The following XYLB variants were observed in gnomAD, a reference collection of about 807,000 sequenced individuals.
XYLB encodes the protein xylulose kinase.
Under a neutral mutation model 78.7 loss-of-function variants are expected in XYLB, and 62 were observed. That is an observed-to-expected ratio of 0.79 (90% confidence interval 0.64 to 0.97). The LOEUF (loss-of-function observed/expected upper bound fraction) is 0.97. Ranked by LOEUF, XYLB falls within the 50% of genes least tolerant of loss-of-function variation. The pLI is 0.00. For synonymous variants in XYLB, 245 were observed against 247.4 expected, an observed-to-expected ratio of 0.99 and a Z score of 0.09; for missense variants, 687 against 676.8, an observed-to-expected ratio of 1.02 and a Z score of -0.17.
chr3:38,402,845 A>C (rs927071884), intron 18 of XYLB, among the ~76,000 whole-genome samples: 2 of 152,246 alleles, frequency 1.3e-5, no homozygotes, highest in African/African-American at 4.8e-5. Context: ...GGACAATGGG[A>C]ACATAATGTG....
downstream of XYLB, among the ~76,000 whole-genome samples, chr3:38,419,124 A>G (rs946739368): frequency 6.6e-6 from 1 of 152,236 alleles, no homozygotes; most frequent in Non-Finnish European, 1.5e-5. Flanking sequence ...GGTTTTTCAT[A>G]TAAGTGGTAT....
chr3:38,379,770 G>C (rs575142979), intron 15 of XYLB, among the ~76,000 whole-genome samples: 1 of 152,334 alleles, frequency 6.6e-6, no homozygotes, highest in Admixed American at 6.5e-5. Context: ...GGGTCTTTCA[G>C]CTTGGACAGG....
At chr3:38,446,966 A>G in the XYLB span, among the ~76,000 whole-genome samples, 1 of 152,204 alleles carries the variant, frequency 6.6e-6, no homozygotes, top group Non-Finnish European at 1.5e-5. Context: ...AGAAACAATC[A>G]ACAGAGTAAA....
intron 14 of XYLB, among the ~76,000 whole-genome samples, chr3:38,377,516 C>T (rs184758009): frequency 3.2e-4 from 48 of 150,522 alleles, no homozygotes; most frequent in African/African-American, 1.1e-3. Flanking sequence ...GGGACGATCT[C>T]GGCTCACTGC....
chr3:38,399,462 G>GA (rs34326656), intron 17 of XYLB, among the ~76,000 whole-genome samples: 64,442 of 151,896 alleles, frequency 0.42, 15,927 homozygotes, highest in Non-Finnish European at 0.57. Context: ...TTTTAAGAGA[G>GA]AATTCAATAG....
intron 2 of XYLB, 139 bp from the exon 3 acceptor site, chr3:38,360,200 C>G (rs1705889471): frequency 1.2e-6 from 1 of 805,230 alleles, no homozygotes; most frequent in Non-Finnish European, 2.1e-6. Context: ...CCTGTTCAAT[C>G]AACAGTTCCC....
intron 4 of XYLB, among the ~76,000 whole-genome samples, chr3:38,364,397 C>G (rs899554973): frequency 6.6e-6 from 1 of 151,988 alleles, no homozygotes; most frequent in African/African-American, 2.4e-5. Flanking sequence ...TTAATACATT[C>G]AGCTCTGTGC....
the XYLB span, among the ~76,000 whole-genome samples, chr3:38,432,975 G>A: frequency 6.6e-6 from 1 of 152,364 alleles, no homozygotes; most frequent in East Asian, 1.9e-4. Context: ...GGAACTCTCT[G>A]TGGGGGTTCC....
chr3:38,412,995 C>T lies in XYLB; in HGVS notation c.1593C>T (p.Thr531=). The part of the protein sequence containing the change: ...AKLEQRILSQ[T]RGPPE ...TCGAGCAGAGAATCTTGTCTCAGACCCGGGGGCCTCCGGAGTGAACAGGCA... is the reference window on the plus strand; with the variant it reads ...TCGAGCAGAGAATCTTGTCTCAGACTCGGGGGCCTCCGGAGTGAACAGGCA... The change falls in exon 19 of 19, where the codon ACC becomes ACT. Residue 531 remains threonine, a synonymous_variant. Coordinates refer to ENST00000207870, the MANE Select transcript of XYLB (RefSeq NM_005108.4). 6.2e-7 allele frequency: 1 copy of T among 1,601,830 alleles called. No individual in the cohort carries two copies. Among genetic ancestry groups the T allele is most frequent in the Non-Finnish European group, 8.5e-7 (1 of 1,175,908 alleles).
intron 10 of XYLB, 112 bp downstream of exon 10, chr3:38,372,848 A>C (rs879107319): frequency 3.6e-6 from 4 of 1,118,076 alleles, no homozygotes; most frequent in Non-Finnish European, 5.3e-6. Context: ...ATTCCTCACC[A>C]CCCCCACCCA....
At chr3:38,415,518 C>T (rs1309407021), downstream of XYLB, among the ~76,000 whole-genome samples, 1 of 152,174 alleles carries the variant, frequency 6.6e-6, no homozygotes, top group Non-Finnish European at 1.5e-5. Flanking sequence ...AATGGTGGCT[C>T]ATGTCTGTAA....
At chr3:38,348,776 T>C (rs1335222891) in intron 2 of XYLB, 144 bp downstream of exon 2, 1 of 674,018 alleles carries the variant, frequency 1.5e-6, no homozygotes, top group Non-Finnish European at 2.6e-6. Context: ...GCATCTTTTT[T>C]TCCTATACCT....
intron 14 of XYLB, among the ~76,000 whole-genome samples, 170 bp from the exon 15 acceptor site, chr3:38,379,076 T>C (rs1707012599): frequency 6.6e-6 from 1 of 151,586 alleles, no homozygotes; most frequent in South Asian, 2.1e-4. Context: ...TGTGCTTGAG[T>C]AGTGTGTTTG....
intron 18 of XYLB, among the ~76,000 whole-genome samples, chr3:38,410,168 A>G (rs1708512845): frequency 6.6e-6 from 1 of 152,266 alleles, no homozygotes. Context: ...ACAGCATGGT[A>G]CTGGTACCAA....
At chr3:38,411,711 C>G (rs960631654) in intron 18 of XYLB, among the ~76,000 whole-genome samples, 1 of 151,312 alleles carries the variant, frequency 6.6e-6, no homozygotes, top group African/African-American at 2.4e-5. Flanking sequence ...CTTTCTAGCT[C>G]TGTTTTCCTT....
chr3:38,434,786 A>G, the XYLB span, among the ~76,000 whole-genome samples: 7 of 152,384 alleles, frequency 4.6e-5, no homozygotes, highest in African/African-American at 1.7e-4. Flanking sequence ...AAAGCCTCAT[A>G]TATCAATAAT....
chr3:38,377,107 A>G (rs986363341), intron 14 of XYLB, 116 bp downstream of exon 14: 39 of 915,120 alleles, frequency 4.3e-5, no homozygotes, highest in Middle Eastern at 2.9e-4. Context: ...TCATCCATTA[A>G]TATCATACAC....
chr3:38,385,316 G>C (rs1398559118), intron 15 of XYLB, among the ~76,000 whole-genome samples: 2 of 152,180 alleles, frequency 1.3e-5, no homozygotes, highest in African/African-American at 4.8e-5. Flanking sequence ...CTATACCCTT[G>C]TCCCTAGTTC....
intron 18 of XYLB, among the ~76,000 whole-genome samples, chr3:38,406,725 A>C (rs1708337684): frequency 6.6e-6 from 1 of 152,252 alleles, no homozygotes; most frequent in Non-Finnish European, 1.5e-5. Context: ...CTCGAGAACT[A>C]TGTGAAGAAT....
Sources: allele counts gnomAD v4.1 joint callset (sites outside exome capture counted in the v4.1 genomes callset), GRCh38; gene constraint gnomAD v4.1.1; transcripts MANE v1.5; gene names NCBI Gene and HGNC (gene_info 2026-07-23, HGNC 2026-07-21).